The following HS3ST4 variants were observed in gnomAD, a reference collection of about 807,000 sequenced individuals.
The protein encoded by HS3ST4 is heparan sulfate-glucosamine 3-sulfotransferase 4.
In HS3ST4, 17 loss-of-function variants were observed where a neutral mutation model predicts 29.2. The ratio of observed to expected loss-of-function variants is 0.58; its 90% CI spans 0.40 to 0.87. HS3ST4 has a LOEUF of 0.87. Among genes scored for constraint, HS3ST4 ranks in the 40% least tolerant of loss-of-function variants. The pLI is 0.00. For missense variants in HS3ST4, 627 were observed against 634.5 expected (o/e 0.99, Z 0.13); for synonymous variants, 314 against 285.7 (o/e 1.10, Z -1.00).
chr16:26,115,047 G>A (rs1020786535), intron 1 of HS3ST4, among the ~76,000 whole-genome samples: 2 of 152,036 alleles, frequency 1.3e-5, no homozygotes, highest in African/African-American at 4.8e-5. Context: ...CATTTTAAAA[G>A]TGATATGTAC....
intron 1 of HS3ST4, among the ~76,000 whole-genome samples, chr16:25,739,773 C>T (rs1433929088): frequency 6.6e-6 from 1 of 152,170 alleles, no homozygotes; most frequent in Non-Finnish European, 1.5e-5. Context: ...ATGTCCTTTC[C>T]ACTTAAGCTT....
chr16:26,077,276 T>C (rs1856275586), intron 1 of HS3ST4, among the ~76,000 whole-genome samples: 1 of 152,234 alleles, frequency 6.6e-6, no homozygotes, highest in Admixed American at 6.5e-5. Context: ...TACATTCTAT[T>C]GGTCATGTTT....
chr16:26,100,738 AAAG>A (rs2141796470), intron 1 of HS3ST4, among the ~76,000 whole-genome samples: 1 of 152,332 alleles, frequency 6.6e-6, no homozygotes, highest in Admixed American at 6.5e-5. Flanking sequence ...TATGAATCTA[AAAG>A]AAATTTACTT....
intron 1 of HS3ST4, among the ~76,000 whole-genome samples, chr16:25,806,568 A>G (rs912564340): frequency 6.6e-6 from 1 of 152,126 alleles, no homozygotes. Flanking sequence ...TCCAGCTGCT[A>G]TCATATTTTC....
chr16:25,803,451 G>C (rs1966960531), intron 1 of HS3ST4, among the ~76,000 whole-genome samples: 1 of 152,114 alleles, frequency 6.6e-6, no homozygotes. Flanking sequence ...CTGGAGCCAG[G>C]AGAATAGAAG....
chr16:25,984,889 G>C (rs1168291900), intron 1 of HS3ST4, among the ~76,000 whole-genome samples: 1 of 152,212 alleles, frequency 6.6e-6, no homozygotes, highest in East Asian at 1.9e-4. Context: ...TGTCGCAGCA[G>C]CTCAGATCCT....
chr16:26,008,116 T>G (rs367970540), intron 1 of HS3ST4, among the ~76,000 whole-genome samples: 2 of 152,178 alleles, frequency 1.3e-5, no homozygotes, highest in East Asian at 3.8e-4. Flanking sequence ...GGCATATCTA[T>G]TTTATTAGCT....
At chr16:26,044,867 G>C (rs887313546) in intron 1 of HS3ST4, among the ~76,000 whole-genome samples, 6 of 152,126 alleles carry the variant, frequency 3.9e-5, no homozygotes, top group African/African-American at 1.4e-4. Flanking sequence ...GGGACCGAGA[G>C]CTTTATTATG....
intron 1 of HS3ST4, among the ~76,000 whole-genome samples, chr16:26,081,178 T>C (rs537286728): frequency 6.6e-6 from 1 of 151,838 alleles, no homozygotes; most frequent in East Asian, 1.9e-4. Flanking sequence ...TCCCAGCTAT[T>C]TGGGAGGCTG....
intron 1 of HS3ST4, among the ~76,000 whole-genome samples, chr16:25,941,646 G>A (rs937954205): frequency 4.0e-5 from 6 of 151,814 alleles, no homozygotes; most frequent in East Asian, 1.9e-4. Flanking sequence ...GTGCAATCTC[G>A]GCTCACTGCA....
At chr16:25,749,401 G>C (rs79024840) in intron 1 of HS3ST4, among the ~76,000 whole-genome samples, 1 of 152,196 alleles carries the variant, frequency 6.6e-6, no homozygotes, top group East Asian at 1.9e-4. Flanking sequence ...AGGCTGAGGT[G>C]GGAGGATCAC....
rs116225223 is a variant in HS3ST4 at position 25,743,680 on chromosome 16, A to C, written c.734+50529A>C. ...TTCACCATGACCATCTAATTTCTGT[A>C]TTTCTAGTAGAAATGGGTTTTCACC... On this transcript the variant is annotated intron_variant, in intron 1 of 1. Coordinates refer to ENST00000331351, the MANE Select transcript of HS3ST4 (RefSeq NM_006040.3). 4.4e-3 allele frequency among the ~76,000 whole-genome samples: 664 copies of C among 152,066 alleles called. 1 individual carries two copies. The highest frequency in any genetic ancestry group is 0.015 in the African/African-American group (636 of 41,488).
intron 1 of HS3ST4, among the ~76,000 whole-genome samples, chr16:26,114,149 G>A (rs1899171224): frequency 6.6e-6 from 1 of 152,142 alleles, no homozygotes; most frequent in African/African-American, 2.4e-5. Context: ...AGGCTCAGAT[G>A]CAGGTGGTGT....
chr16:26,057,846 C>G (rs536138075), intron 1 of HS3ST4, among the ~76,000 whole-genome samples: 1 of 152,140 alleles, frequency 6.6e-6, no homozygotes, highest in African/African-American at 2.4e-5. Context: ...CTTCATCTGT[C>G]TGTGTGAAGA....
At chr16:25,728,757 C>T (rs561656460) in intron 1 of HS3ST4, among the ~76,000 whole-genome samples, 5 of 152,106 alleles carry the variant, frequency 3.3e-5, no homozygotes, top group African/African-American at 1.2e-4. Context: ...TCTTCTGTTT[C>T]TCAGTAATGA....
intron 1 of HS3ST4, chr16:26,032,696 G>A (rs911220015): frequency 7.7e-7 from 1 of 1,294,972 alleles, no homozygotes; most frequent in Admixed American, 1.7e-5. Flanking sequence ...TTTAGTCTTG[G>A]GCTCTGGCTT....
rs533546276 is a variant in HS3ST4, at chr16:25,692,305, AGCGGCGGCGGCGGCGGCGGCGGCG to A, written c.-102_-79del. 142 of 146,484 alleles carry A rather than the reference AGCGGCGGCGGCGGCGGCGGCGGCG, an allele frequency of 9.7e-4. 1 individual carries two copies. Among genetic ancestry groups the A allele is most frequent in the Admixed American group, 9.3e-3 (129 of 13,916 alleles). The allele number at this position is 146,484 out of a possible 1,614,324, so 9.1% of individuals were successfully genotyped here. On this transcript the variant is annotated 5_prime_UTR_variant, in exon 1 of 2. Coordinates refer to ENST00000331351, the MANE Select transcript of HS3ST4 (RefSeq NM_006040.3). Reference sequence around the variant, plus strand: ...CTTCATGCAGCCGGGGCGGCTGGGCAGCGGCGGCGGCGGCGGCGGCGGCGGCGGCGGCGGGGGCGGCGGCTGAAA... The same window carrying A: ...CTTCATGCAGCCGGGGCGGCTGGGCAGCGGCGGCGGGGGCGGCGGCTGAAA...
At chr16:25,976,059 A>AAAG (rs1360568281) in intron 1 of HS3ST4, among the ~76,000 whole-genome samples, 2 of 152,164 alleles carry the variant, frequency 1.3e-5, no homozygotes, top group Non-Finnish European at 2.9e-5. Context: ...TAATTTCTTC[A>AAAG]AAGTTTGTCC....
intron 1 of HS3ST4, among the ~76,000 whole-genome samples, chr16:26,087,508 A>G (rs1303079457): frequency 6.6e-6 from 1 of 151,856 alleles, no homozygotes; most frequent in African/African-American, 2.4e-5. Context: ...TCACTCCCTC[A>G]GCGTCCAAGC....
Sources: allele counts gnomAD v4.1 joint callset (sites outside exome capture counted in the v4.1 genomes callset), GRCh38; gene constraint gnomAD v4.1.1; transcripts MANE v1.5; gene names NCBI Gene and HGNC (gene_info 2026-07-23, HGNC 2026-07-21).